CCSER1: variants seen among roughly 807,000 people sequenced by gnomAD.
CCSER1 encodes serine-rich coiled-coil domain-containing protein 1.
In CCSER1, 41 loss-of-function variants were observed where a neutral mutation model predicts 82.0. That is an observed-to-expected ratio of 0.50 (90% CI 0.39 to 0.65). CCSER1 has a LOEUF of 0.65. CCSER1 is among the 30% of genes least tolerant of loss of function. CCSER1 has a pLI of 0.00. For synonymous variants in CCSER1, 414 were observed against 383.9 expected (o/e 1.08, Z -0.92); for missense variants, 1,119 against 1,064.2 (o/e 1.05, Z -0.72).
At chr4:90,459,605 T>C (rs182017377) in intron 4 of CCSER1, among the ~76,000 whole-genome samples, 1 of 152,208 alleles carries the variant, frequency 6.6e-6, no homozygotes, top group Non-Finnish European at 1.5e-5. Context: ...AGATGGCTTC[T>C]TTCTGTGTCT....
chr4:90,748,175 A>G (rs1311400878), intron 7 of CCSER1, among the ~76,000 whole-genome samples: 1 of 115,912 alleles, frequency 8.6e-6, no homozygotes, highest in Admixed American at 8.6e-5. Context: ...TCCCGATGCT[A>G]TCCCTCCCCC....
intron 10 of CCSER1, among the ~76,000 whole-genome samples, chr4:91,571,016 G>C (rs1357375092): frequency 6.6e-6 from 1 of 152,200 alleles, no homozygotes; most frequent in East Asian, 1.9e-4. Context: ...TAGGGCAGGG[G>C]CAAAATTCCA....
rs57672590 is a variant in CCSER1 at position 90,863,949 on chromosome 4, T to TTTTTATTTTATTTTATTTTA, written c.2094+48155_2094+48174dup. Reference sequence around the variant, plus strand: ...ACTTTATTCAATTCTACCTATCACGTTTTTATTTTATTTTATTTTATTTTA... The same window carrying TTTTTATTTTATTTTATTTTA: ...ACTTTATTCAATTCTACCTATCACGTTTTTATTTTATTTTATTTTATTTTATTTTATTTTATTTTATTTTA... On this transcript the variant is annotated intron_variant, in intron 8 of 10. Transcript: ENST00000509176. 5.3e-3 allele frequency among the ~76,000 whole-genome samples: 626 copies of TTTTTATTTTATTTTATTTTA among 117,648 alleles called. 7 individuals are homozygous for TTTTTATTTTATTTTATTTTA. The highest frequency in any genetic ancestry group is 7.2e-3 in the Non-Finnish European group (401 of 55,910). The allele number at this position is 117,648 out of a possible 152,430, so 77.2% of individuals were successfully genotyped here. A position where few individuals can be genotyped will look rare whatever the true frequency, so the allele number is the denominator to read the frequency against.
At chr4:91,106,260 C>T (rs1725607023) in intron 10 of CCSER1, among the ~76,000 whole-genome samples, 1 of 152,180 alleles carries the variant, frequency 6.6e-6, no homozygotes, top group Non-Finnish European at 1.5e-5. Context: ...CGATTATTCT[C>T]ATTTTAATAC....
chr4:90,267,956 T>C (rs1202290065), intron 1 of CCSER1, among the ~76,000 whole-genome samples: 2 of 152,148 alleles, frequency 1.3e-5, no homozygotes, highest in Non-Finnish European at 2.9e-5. Flanking sequence ...CAGTAGACGC[T>C]TCCAAGGAAA....
intron 8 of CCSER1, among the ~76,000 whole-genome samples, chr4:90,853,209 T>C (rs1468206191): frequency 2.0e-5 from 3 of 152,180 alleles, no homozygotes; most frequent in Non-Finnish European, 1.5e-5. Context: ...GCTATTTTTA[T>C]GGACAGAGCA....
intron 8 of CCSER1, among the ~76,000 whole-genome samples, chr4:90,833,130 A>C (rs1482522656): frequency 6.6e-6 from 1 of 152,178 alleles, no homozygotes; most frequent in Non-Finnish European, 1.5e-5. Context: ...GGAAGCTGGG[A>C]AGTCCAAGAT....
At chr4:90,186,643 G>T (rs530323468) in intron 1 of CCSER1, among the ~76,000 whole-genome samples, 1 of 151,882 alleles carries the variant, frequency 6.6e-6, no homozygotes, top group East Asian at 1.9e-4. Context: ...TATTCCTTGA[G>T]GCCTTAATAG....
At chr4:90,874,048 A>G (rs1454936414) in intron 8 of CCSER1, among the ~76,000 whole-genome samples, 5 of 152,160 alleles carry the variant, frequency 3.3e-5, no homozygotes, top group Non-Finnish European at 7.4e-5. Context: ...ATGTAATGAT[A>G]AGTAAATGAT....
At chr4:90,661,999 TC>T (rs1730888535) in intron 6 of CCSER1, among the ~76,000 whole-genome samples, 1 of 146,908 alleles carries the variant, frequency 6.8e-6, no homozygotes. Flanking sequence ...TTTCTTTCTT[TC>T]TTTTTTTTTT....
Position 90,829,543 on chromosome 4 carries a change from A to G in CCSER1, c.2094+13698A>G, listed in dbSNP as rs866284910. On this transcript the variant is annotated intron_variant, in intron 8 of 10. Transcript: ENST00000509176. ...CATGAGTTAACAGCAGCCTGTCTGT[A>G]TGGGTCCATAGTAACTTCAGTCCTT... Among the ~76,000 whole-genome samples the G allele has an allele frequency of 7.2e-5, 11 of 152,180 alleles. No homozygotes were observed. The South Asian group carries it at 8.3e-4, about 11-fold the overall frequency.
At chr4:91,212,687 C>G (rs1434647902) in intron 10 of CCSER1, among the ~76,000 whole-genome samples, 2 of 151,990 alleles carry the variant, frequency 1.3e-5, no homozygotes, top group Non-Finnish European at 2.9e-5. Context: ...AATTAACCCA[C>G]AAAGAAACTG....
chr4:90,371,000 A>G (rs1399321412), intron 3 of CCSER1, among the ~76,000 whole-genome samples: 1 of 152,018 alleles, frequency 6.6e-6, no homozygotes, highest in African/African-American at 2.4e-5. Flanking sequence ...ATAAGGCTAC[A>G]TTTCTCAGCT....
chr4:90,330,208 C>T (rs1213944463), intron 3 of CCSER1, among the ~76,000 whole-genome samples: 2 of 152,080 alleles, frequency 1.3e-5, no homozygotes, highest in Non-Finnish European at 2.9e-5. Flanking sequence ...AAGGATACTT[C>T]CACCAGTAGG....
chr4:91,530,458 G>T (rs912718680), intron 10 of CCSER1, among the ~76,000 whole-genome samples: 3 of 151,878 alleles, frequency 2.0e-5, no homozygotes, highest in Non-Finnish European at 4.4e-5. Flanking sequence ...CATTAACAAT[G>T]AATAAATGGA....
intron 9 of CCSER1, among the ~76,000 whole-genome samples, chr4:90,952,505 A>T (rs1009569839): frequency 6.6e-6 from 1 of 152,136 alleles, no homozygotes; most frequent in Non-Finnish European, 1.5e-5. Flanking sequence ...CTAGGTGGTC[A>T]TTGTTAACAA....
At chr4:91,126,562 A>C (rs1167693002) in intron 10 of CCSER1, among the ~76,000 whole-genome samples, 1 of 151,992 alleles carries the variant, frequency 6.6e-6, no homozygotes. Context: ...GAATGAAGTT[A>C]TATGGTCTAT....
intron 8 of CCSER1, among the ~76,000 whole-genome samples, chr4:90,856,444 A>G (rs1350194451): frequency 6.6e-6 from 1 of 152,176 alleles, no homozygotes; most frequent in East Asian, 1.9e-4. Context: ...AAGAATATAT[A>G]AAGTGATTTT....
intron 3 of CCSER1, among the ~76,000 whole-genome samples, chr4:90,369,046 C>A (rs1325312120): frequency 6.6e-6 from 1 of 151,622 alleles, no homozygotes; most frequent in Non-Finnish European, 1.5e-5. Context: ...AAAAATTATA[C>A]CTGCAGAAAT....
Sources: allele counts gnomAD v4.1 joint callset (sites outside exome capture counted in the v4.1 genomes callset), GRCh38; gene constraint gnomAD v4.1.1; transcripts MANE v1.5; gene names NCBI Gene and HGNC (gene_info 2026-07-23, HGNC 2026-07-21).